PTPRD: variants seen among roughly 807,000 people sequenced by gnomAD.
The protein encoded by PTPRD is protein tyrosine phosphatase receptor type D.
In PTPRD, 34 loss-of-function variants were observed where a neutral mutation model predicts 214.5. That is an observed-to-expected ratio of 0.16 (90% CI 0.12 to 0.21). The LOEUF (loss-of-function observed/expected upper bound fraction) is 0.21. Among genes scored for constraint, PTPRD ranks in the 10% least tolerant of loss-of-function variants. The pLI is 1.00. For missense variants in PTPRD, 2,545 were observed against 2,398.7 expected, an observed-to-expected ratio of 1.06 and a Z score of -1.27; for synonymous variants, 1,128 against 845.7, an observed-to-expected ratio of 1.33 and a Z score of -5.79.
intron 5 of PTPRD, among the ~76,000 whole-genome samples, chr9:9,882,032 C>A (rs972806119): frequency 1.3e-5 from 2 of 152,022 alleles, no homozygotes; most frequent in Non-Finnish European, 2.9e-5. Flanking sequence ...TTTGCAAGTT[C>A]TTCAATATCT....
chr9:8,968,939 T>A (rs1033543384), intron 11 of PTPRD, among the ~76,000 whole-genome samples: 1 of 152,000 alleles, frequency 6.6e-6, no homozygotes, highest in African/African-American at 2.4e-5. Context: ...GATAGCTTGG[T>A]AGAGAAAATT....
At chr9:9,517,905 G>A (rs929657726) in intron 8 of PTPRD, among the ~76,000 whole-genome samples, 1 of 151,398 alleles carries the variant, frequency 6.6e-6, no homozygotes, top group Non-Finnish European at 1.5e-5. Context: ...TGAAACAATT[G>A]TAATAATCTT....
intron 11 of PTPRD, among the ~76,000 whole-genome samples, chr9:8,913,176 T>C (rs1186539608): frequency 1.3e-5 from 2 of 152,092 alleles, no homozygotes; most frequent in Non-Finnish European, 2.9e-5. Flanking sequence ...CTGGCACATG[T>C]AGTAAACTTT....
chr9:10,169,727 C>T lies in PTPRD; in HGVS notation c.-544-135937G>A, dbSNP rs77049631. ...GAAATACCAGAACAAAACTCTACAT[C>T]CTTGCCAGTAAAAGGTGCTGTAGAT... On this transcript the variant is annotated intron_variant, in intron 3 of 45. Coordinates refer to ENST00000381196, the MANE Select transcript of PTPRD (RefSeq NM_002839.4). Among the ~76,000 whole-genome samples, 248 of 152,188 alleles carry T rather than the reference C, an allele frequency of 1.6e-3. 3 individuals carry two copies. The highest frequency in any genetic ancestry group is 5.8e-3 in the African/African-American group (241 of 41,522).
In PTPRD at chr9:9,477,496, C is replaced by A. The variant is rs181327272; in HGVS notation, c.-236-80014G>T. On this transcript the variant is annotated intron_variant, in intron 8 of 45. Coordinates refer to ENST00000381196, the MANE Select transcript of PTPRD (RefSeq NM_002839.4). The stretch of plus-strand genomic sequence containing the variant: ...GTAGTCACCCCACTCAAAGAAAATG[C>A]TTTTTAAAGTTCTGATTATTCATTT... Among the ~76,000 whole-genome samples the A allele has an allele frequency of 3.1e-3, 475 of 152,238 alleles. 4 individuals carry two copies. Among genetic ancestry groups the A allele is most frequent in the African/African-American group, 0.01 (430 of 41,536 alleles).
At chr9:10,206,679 T>C (rs2099483339) in intron 3 of PTPRD, among the ~76,000 whole-genome samples, 1 of 152,188 alleles carries the variant, frequency 6.6e-6, no homozygotes, top group East Asian at 1.9e-4. Flanking sequence ...AACCTCGGTT[T>C]TAAATATAGT....
At chr9:8,920,498 T>A (rs1413455692) in intron 11 of PTPRD, among the ~76,000 whole-genome samples, 1 of 152,132 alleles carries the variant, frequency 6.6e-6, no homozygotes, top group Non-Finnish European at 1.5e-5. Flanking sequence ...GGGTATCCAA[T>A]CTTTTGGCTT....
chr9:9,826,408 CA>C (rs2052854146), intron 5 of PTPRD, among the ~76,000 whole-genome samples: 1 of 151,758 alleles, frequency 6.6e-6, no homozygotes, highest in African/African-American at 2.4e-5. Context: ...AAAAAAAATA[CA>C]ATTTTGAAGT....
intron 12 of PTPRD, among the ~76,000 whole-genome samples, chr9:8,670,205 A>T (rs1360557073): frequency 6.6e-6 from 1 of 152,124 alleles, no homozygotes; most frequent in African/African-American, 2.4e-5. Flanking sequence ...AATAAGACAC[A>T]ACTGTATTAA....
intron 2 of PTPRD, among the ~76,000 whole-genome samples, chr9:10,491,519 G>A (rs933341669): frequency 3.3e-5 from 5 of 151,580 alleles, no homozygotes; most frequent in African/African-American, 1.2e-4. Flanking sequence ...TTTATTGCAT[G>A]CCTACAAGAT....
chr9:9,249,931 TAAAC>T (rs1377898736), intron 9 of PTPRD, among the ~76,000 whole-genome samples: 1 of 152,106 alleles, frequency 6.6e-6, no homozygotes, highest in Admixed American at 6.6e-5. Context: ...AATGAATGGA[TAAAC>T]AAACAGGAGG....
intron 11 of PTPRD, among the ~76,000 whole-genome samples, chr9:8,779,780 A>G (rs2095622113): frequency 6.7e-6 from 1 of 149,112 alleles, no homozygotes; most frequent in East Asian, 2.0e-4. Flanking sequence ...CCAAGAAGGC[A>G]TATTTGCTCA....
chr9:9,557,229 G>A (rs542592685), intron 8 of PTPRD, among the ~76,000 whole-genome samples: 2 of 152,052 alleles, frequency 1.3e-5, no homozygotes, highest in Admixed American at 6.6e-5. Flanking sequence ...ATGATGGAAG[G>A]GGGGAAGGGT....
At chr9:8,323,138 A>C (rs1031655236) in intron 44 of PTPRD, among the ~76,000 whole-genome samples, 11 of 152,184 alleles carry the variant, frequency 7.2e-5, no homozygotes, top group African/African-American at 2.7e-4. Flanking sequence ...CGTTTATAGC[A>C]TGGTTGACTG....
At chr9:9,349,048 T>G (rs904670222) in intron 9 of PTPRD, among the ~76,000 whole-genome samples, 15 of 152,094 alleles carry the variant, frequency 9.9e-5, no homozygotes, top group Non-Finnish European at 1.9e-4. Flanking sequence ...ACTATTACAG[T>G]GGCGGGCGGG....
intron 2 of PTPRD, among the ~76,000 whole-genome samples, chr9:10,475,070 A>G (rs1348033800): frequency 1.3e-5 from 2 of 152,188 alleles, no homozygotes; most frequent in Admixed American, 6.6e-5. Context: ...TGACAACTTA[A>G]AGAACTAGAG....
chr9:8,881,556 A>G (rs934137218), intron 11 of PTPRD, among the ~76,000 whole-genome samples: 4 of 152,198 alleles, frequency 2.6e-5, no homozygotes, highest in Non-Finnish European at 5.9e-5. Context: ...TTACAGTGGT[A>G]TAAGTTTAAG....
At chr9:10,038,131 C>G (rs998532267) in intron 3 of PTPRD, among the ~76,000 whole-genome samples, 1 of 152,078 alleles carries the variant, frequency 6.6e-6, no homozygotes, top group Non-Finnish European at 1.5e-5. Flanking sequence ...CAACTTATCT[C>G]CTGATTTCCA....
At chr9:8,620,193 C>T (rs1454901619) in intron 14 of PTPRD, among the ~76,000 whole-genome samples, 1 of 151,926 alleles carries the variant, frequency 6.6e-6, no homozygotes, top group Non-Finnish European at 1.5e-5. Flanking sequence ...CTTTGCTTTT[C>T]TAATTGCCAA....
Sources: gnomAD v4.1 joint callset for allele counts (sites outside exome capture counted in the v4.1 genomes callset) on GRCh38, gnomAD v4.1.1 for gene constraint, MANE v1.5 for transcripts, NCBI Gene and HGNC (gene_info 2026-07-23, HGNC 2026-07-21) for gene names.